Variants in CNKSR2 observed in about 807,000 individuals in gnomAD.
CNKSR2 encodes connector enhancer of kinase suppressor of Ras 2, also known as CNK homolog protein 2.
CNKSR2 carries 14 observed loss-of-function variants against 84.4 expected under a neutral mutation model. The ratio of observed to expected loss-of-function variants is 0.17; its 90% CI spans 0.11 to 0.26. The LOEUF (loss-of-function observed/expected upper bound fraction) is 0.26, where lower values mean the gene tolerates loss of function less well. Ranked by LOEUF, CNKSR2 falls within the 10% of genes least tolerant of loss-of-function variation. CNKSR2 has a pLI of 1.00. For missense variants in CNKSR2, 485 were observed against 771.2 expected, an observed-to-expected ratio of 0.63 and a Z score of 4.40; for synonymous variants, 275 against 277.9, an observed-to-expected ratio of 0.99 and a Z score of 0.10.
At chrX:21,425,082 A>G (rs750568047) in intron 1 of CNKSR2, 1 of 111,623 alleles carries the variant, frequency 9.0e-6, no homozygotes, top group Non-Finnish European at 1.9e-5. Context: ...TCAAGTCTCT[A>G]ACATCTTTAA....
intron 6 of CNKSR2, chrX:21,491,073 C>T (rs1337069926): frequency 1.8e-5 from 2 of 110,989 alleles, no homozygotes; most frequent in Non-Finnish European, 1.9e-5. Context: ...TAAGTAAGCA[C>T]GTGGATATTG....
chrX:21,551,924 T>C (rs2092096337), intron 11 of CNKSR2, among the ~76,000 whole-genome samples: 1 of 111,266 alleles, frequency 9.0e-6, no homozygotes, highest in Non-Finnish European at 1.9e-5. Context: ...TGGAAAGATA[T>C]ACCAACATTT....
At chrX:21,481,056 G>T (rs773774023) in intron 5 of CNKSR2, among the ~76,000 whole-genome samples, 1 of 111,947 alleles carries the variant, frequency 8.9e-6, no homozygotes, top group Non-Finnish European at 1.9e-5. Flanking sequence ...GTACAATAGA[G>T]ATAATAGCAG....
chrX:21,592,300 G>A (rs1476485613), intron 15 of CNKSR2: 2 of 111,957 alleles, frequency 1.8e-5, no homozygotes, highest in Non-Finnish European at 3.8e-5. Context: ...CATGTGGTAG[G>A]CTGGGCCCAG....
chrX:21,548,912 G>C (rs1014069733), intron 11 of CNKSR2, among the ~76,000 whole-genome samples: 1 of 111,983 alleles, frequency 8.9e-6, no homozygotes, highest in African/African-American at 3.2e-5. Context: ...GGTATTGATG[G>C]AACGTATCTC....
intron 13 of CNKSR2, among the ~76,000 whole-genome samples, chrX:21,571,296 C>T (rs747754018): frequency 8.9e-5 from 10 of 111,876 alleles, no homozygotes; most frequent in African/African-American, 1.9e-4. Context: ...TACAGAGACA[C>T]GAAATGAGCA....
intron 20 of CNKSR2, chrX:21,637,267 C>T (rs1444089034): frequency 9.0e-6 from 1 of 111,408 alleles, no homozygotes; most frequent in Admixed American, 9.5e-5. Flanking sequence ...GTGATTTATA[C>T]ACACAGGATG....
intron 2 of CNKSR2, among the ~76,000 whole-genome samples, chrX:21,430,006 C>G (rs183073279): frequency 8.0e-5 from 9 of 112,079 alleles, no homozygotes; most frequent in African/African-American, 1.3e-4. Flanking sequence ...TACAGATGAG[C>G]TTCTTACCTA....
chrX:21,544,465 A>G (rs2092003944), intron 11 of CNKSR2, among the ~76,000 whole-genome samples: 1 of 111,928 alleles, frequency 8.9e-6, no homozygotes, highest in Non-Finnish European at 1.9e-5. Flanking sequence ...AGTATATTAT[A>G]TAAAATAAAT....
At chrX:21,452,472 A>C (rs1279633142) in intron 4 of CNKSR2, among the ~76,000 whole-genome samples, 4 of 111,746 alleles carry the variant, frequency 3.6e-5, no homozygotes, top group African/African-American at 1.3e-4. Flanking sequence ...TTGGTTTGTT[A>C]AAGACCCATA....
chrX:21,483,055 A>C (rs983531984), intron 5 of CNKSR2, among the ~76,000 whole-genome samples: 1 of 111,822 alleles, frequency 8.9e-6, no homozygotes, highest in South Asian at 3.7e-4. Context: ...TTCAAGTTTA[A>C]AAAGTTTTTC....
At chrX:21,624,170 T>C (rs1032125646) in intron 20 of CNKSR2, among the ~76,000 whole-genome samples, 4 of 112,106 alleles carry the variant, frequency 3.6e-5, no homozygotes. Context: ...AGAGATATTC[T>C]ATTTTACTTT....
chrX:21,545,898 C>T lies in CNKSR2; in HGVS notation c.1303+13831C>T, dbSNP rs753008865. On this transcript the variant is annotated intron_variant, in intron 11 of 21. Coordinates refer to ENST00000379510, the MANE Select transcript of CNKSR2 (RefSeq NM_014927.5). The stretch of plus-strand genomic sequence containing the variant: ...CATCAACATCAACAAAAAGGACATC[C>T]ACACAAAAACCTCATCCAAAGGTCA... Among the ~76,000 whole-genome samples, 86 of 111,763 alleles carry T rather than the reference C, an allele frequency of 7.7e-4. 1 individual carries two copies. Among genetic ancestry groups the T allele is most frequent in the Non-Finnish European group, 1.3e-3 (69 of 53,136 alleles).
intron 20 of CNKSR2, among the ~76,000 whole-genome samples, chrX:21,613,751 C>A (rs1448712460): frequency 9.0e-6 from 1 of 111,647 alleles, no homozygotes; most frequent in Non-Finnish European, 1.9e-5. Flanking sequence ...ACCAGCCTGG[C>A]CAACATGGCA....
At position 21,432,593 on chromosome X, in the gene CNKSR2, T is replaced by C; in HGVS notation, c.229-19T>C. ...TAAAACTGACTTTAAATATATTCTC[T>C]CTCTTTTTTATAATTCAGAATTATG... On this transcript the variant is annotated intron_variant, in intron 2 of 21. Coordinates refer to ENST00000379510, the MANE Select transcript of CNKSR2 (RefSeq NM_014927.5). The C allele has an allele frequency of 9.6e-7, 1 of 1,046,016 alleles. No individual in the cohort carries two copies. Among genetic ancestry groups the C allele is most frequent in the Non-Finnish European group, 1.3e-6 (1 of 758,001 alleles). The allele number at this position is 1,046,016 out of a possible 1,213,427, so 86.2% of individuals were successfully genotyped here.
In CNKSR2 at chrX:21,516,516, C is replaced by A; in HGVS notation, c.842C>A (p.Ala281Glu). The part of the protein sequence containing the change: ...VGWQLKNLVN[A>E]LREDPSGVIL... Reference sequence around the variant, plus strand: ...TGGCAGTTGAAAAATTTGGTGAATGCACTACGAGAGGACCCGAGTGGTGTT... The same window carrying A: ...TGGCAGTTGAAAAATTTGGTGAATGAACTACGAGAGGACCCGAGTGGTGTT... The change falls in exon 9 of 22, where the codon GCA becomes GAA. Residue 281 changes from alanine to glutamate, a missense_variant. By Grantham distance (107) the Ala-to-Glu change is moderately radical. Coordinates refer to ENST00000379510, the MANE Select transcript of CNKSR2 (RefSeq NM_014927.5). 8.3e-7 allele frequency: 1 copy of A among 1,208,287 alleles called. No individual in the cohort carries two copies. The highest frequency in any genetic ancestry group is 1.8e-5 in the South Asian group (1 of 56,689).
chrX:21,608,647 C>T (rs1303458223), intron 19 of CNKSR2, among the ~76,000 whole-genome samples: 3 of 111,150 alleles, frequency 2.7e-5, no homozygotes, highest in Non-Finnish European at 5.7e-5. Flanking sequence ...AGCCTATCCT[C>T]ATATCCAAAA....
intron 1 of CNKSR2, among the ~76,000 whole-genome samples, chrX:21,406,497 A>G (rs186396232): frequency 4.7e-4 from 52 of 111,643 alleles, no homozygotes; most frequent in Admixed American, 7.6e-4. Context: ...ATATATATGT[A>G]CTGATGATAT....
At chrX:21,550,778 G>A (rs1303003948) in intron 11 of CNKSR2, among the ~76,000 whole-genome samples, 1 of 111,373 alleles carries the variant, frequency 9.0e-6, no homozygotes, top group Non-Finnish European at 1.9e-5. Context: ...GCTCACGCCT[G>A]TAATCACAGT....
Sources: gnomAD v4.1 joint callset for allele counts (sites outside exome capture counted in the v4.1 genomes callset) on GRCh38, gnomAD v4.1.1 for gene constraint, MANE v1.5 for transcripts, NCBI Gene and HGNC (gene_info 2026-07-23, HGNC 2026-07-21) for gene names.